PTPRK: variants seen among roughly 807,000 people sequenced by gnomAD.
PTPRK encodes receptor-type tyrosine-protein phosphatase kappa.
Under a neutral mutation model 178.0 loss-of-function variants are expected in PTPRK, and 75 were observed. The ratio of observed to expected loss-of-function variants is 0.42; its 90% confidence interval spans 0.35 to 0.51. The LOEUF is 0.51. Ranked by LOEUF, PTPRK falls within the 20% of genes least tolerant of loss-of-function variation. The probability of loss-of-function intolerance (pLI) is 0.02; values close to 1 mark genes in which losing one functional copy is unlikely to be tolerated. For missense variants in PTPRK, 1,441 were observed against 1,797.8 expected (o/e 0.80, Z 3.59); for synonymous variants, 637 against 620.6 (o/e 1.03, Z -0.39).
chr6:128,488,494 T>G (rs1853293058), intron 1 of PTPRK, among the ~76,000 whole-genome samples: 1 of 152,202 alleles, frequency 6.6e-6, no homozygotes. Flanking sequence ...GTTATCAGAA[T>G]GGAGAATAGA....
intron 1 of PTPRK, among the ~76,000 whole-genome samples, chr6:128,466,243 C>T (rs1019927520): frequency 1.3e-5 from 2 of 152,136 alleles, no homozygotes; most frequent in African/African-American, 4.8e-5. Flanking sequence ...GTCAATGCCA[C>T]AATTACAGAT....
At chr6:128,265,607 T>C (rs762850435) in intron 3 of PTPRK, among the ~76,000 whole-genome samples, 2 of 152,144 alleles carry the variant, frequency 1.3e-5, no homozygotes, top group African/African-American at 4.8e-5. Context: ...GCCACAGTTC[T>C]TGCATTTTGC....
At chr6:128,378,093 G>A (rs145716099) in intron 2 of PTPRK, among the ~76,000 whole-genome samples, 31 of 152,100 alleles carry the variant, frequency 2.0e-4, no homozygotes, top group Non-Finnish European at 3.5e-4. Flanking sequence ...ATATTAAGGT[G>A]AAAGTTATAT....
intron 1 of PTPRK, among the ~76,000 whole-genome samples, chr6:128,493,606 A>G (rs1854216874): frequency 1.1e-5 from 1 of 89,990 alleles, no homozygotes; most frequent in African/African-American, 4.4e-5. Flanking sequence ...ACACACACAC[A>G]CACACACACA....
chr6:128,131,808 T>C (rs1367176364), intron 7 of PTPRK, among the ~76,000 whole-genome samples: 1 of 152,212 alleles, frequency 6.6e-6, no homozygotes, highest in Non-Finnish European at 1.5e-5. Context: ...AATGTCAAAT[T>C]AGAGCCAATG....
intron 7 of PTPRK, among the ~76,000 whole-genome samples, chr6:128,139,297 T>C (rs559258100): frequency 1.4e-4 from 21 of 151,998 alleles, no homozygotes; most frequent in African/African-American, 5.1e-4. Context: ...AAAACAGTAT[T>C]AAAAAAGTAG....
intron 2 of PTPRK, among the ~76,000 whole-genome samples, chr6:128,388,455 T>C (rs1024278250): frequency 3.9e-5 from 6 of 152,198 alleles, no homozygotes; most frequent in African/African-American, 1.4e-4. Flanking sequence ...TAGCCTTCCT[T>C]ATGGTTTAAA....
chr6:128,449,026 A>T (rs1416399337), intron 1 of PTPRK, among the ~76,000 whole-genome samples: 2 of 149,254 alleles, frequency 1.3e-5, no homozygotes, highest in Admixed American at 6.7e-5. Context: ...CGCCTGGCTA[A>T]TTTTTTTTTT....
chr6:128,198,576 A>C (rs1805345518), intron 6 of PTPRK, among the ~76,000 whole-genome samples: 1 of 152,172 alleles, frequency 6.6e-6, no homozygotes, highest in Admixed American at 6.5e-5. Context: ...TACCTATGTA[A>C]CAAAACTGCA....
At chr6:128,071,302 T>C (rs1170850703) in intron 11 of PTPRK, among the ~76,000 whole-genome samples, 1 of 152,016 alleles carries the variant, frequency 6.6e-6, no homozygotes, top group Non-Finnish European at 1.5e-5. Context: ...TGACTGTCCA[T>C]GGTAAGCATT....
At chr6:128,328,670 A>G (rs1829879957) in intron 2 of PTPRK, among the ~76,000 whole-genome samples, 1 of 152,098 alleles carries the variant, frequency 6.6e-6, no homozygotes, top group Admixed American at 6.6e-5. Context: ...ACCCCTTTAT[A>G]CTTGTGATAC....
At chr6:127,983,426 A>G in intron 22 of PTPRK, 49 bp from the exon 23 acceptor site, 2 of 1,576,796 alleles carry the variant, frequency 1.3e-6, no homozygotes, top group Non-Finnish European at 1.7e-6. Context: ...GTTAGTCTTC[A>G]TAACCTTAAA....
At chr6:128,296,870 A>C (rs1490313015) in intron 3 of PTPRK, among the ~76,000 whole-genome samples, 1 of 152,156 alleles carries the variant, frequency 6.6e-6, no homozygotes, top group Non-Finnish European at 1.5e-5. Context: ...ATTCACACAT[A>C]ACAATATTAA....
At chr6:128,339,769 T>C (rs980434686) in intron 2 of PTPRK, among the ~76,000 whole-genome samples, 5 of 152,180 alleles carry the variant, frequency 3.3e-5, no homozygotes, top group Non-Finnish European at 7.4e-5. Context: ...AGATAAACTT[T>C]CTGCCAGGCT....
intron 13 of PTPRK, among the ~76,000 whole-genome samples, chr6:128,046,952 G>T (rs1027791946): frequency 6.6e-6 from 1 of 152,108 alleles, no homozygotes; most frequent in Non-Finnish European, 1.5e-5. Flanking sequence ...ACTTACAAAA[G>T]CATTTCATCC....
At chr6:128,475,439 C>T (rs1460596217) in intron 1 of PTPRK, among the ~76,000 whole-genome samples, 2 of 151,946 alleles carry the variant, frequency 1.3e-5, no homozygotes, top group Admixed American at 1.3e-4. Flanking sequence ...GTTATCTGTG[C>T]AACTAAAGTG....
intron 1 of PTPRK, among the ~76,000 whole-genome samples, chr6:128,453,042 G>A (rs1467689208): frequency 6.6e-6 from 1 of 152,118 alleles, no homozygotes. Flanking sequence ...GCGATTAAAT[G>A]CTATCATGAA....
Position 127,995,354 on chromosome 6 carries a change from T to C in PTPRK, c.2844+108A>G, listed in dbSNP as rs569362384. The stretch of plus-strand genomic sequence containing the variant: ...GCAGAACAAGGAAAAGTGTACAGTT[T>C]GTACTTTTATATTTTAAAAAGCTAG... On this transcript the variant is annotated intron_variant, in intron 18 of 29. Coordinates refer to ENST00000368226, the MANE Select transcript of PTPRK (RefSeq NM_002844.4). 4 of 1,532,842 alleles carry C rather than the reference T, an allele frequency of 2.6e-6. No homozygotes were observed. The Admixed American group carries it at 5.2e-5, about 20-fold the overall frequency. The allele number at this position is 1,532,842 out of a possible 1,614,324, so 95.0% of individuals were successfully genotyped here.
chr6:128,359,638 G>C (rs1050831510), intron 2 of PTPRK, among the ~76,000 whole-genome samples: 16 of 152,036 alleles, frequency 1.1e-4, no homozygotes, highest in Admixed American at 1.0e-3. Flanking sequence ...TGTAATCCCA[G>C]CTACTTGGGA....
Sources: gnomAD v4.1 joint callset for allele counts (sites outside exome capture counted in the v4.1 genomes callset) on GRCh38, gnomAD v4.1.1 for gene constraint, MANE v1.5 for transcripts, NCBI Gene and HGNC (gene_info 2026-07-23, HGNC 2026-07-21) for gene names.